Variants in DNAH6 observed in about 807,000 individuals in gnomAD.
DNAH6 encodes dynein axonemal heavy chain 6.
In DNAH6, 340 loss-of-function variants were observed where a neutral mutation model predicts 491.4. That is an observed-to-expected ratio of 0.69 (90% CI 0.63 to 0.76). DNAH6 has a LOEUF of 0.76. Ranked by LOEUF, DNAH6 falls within the 30% of genes least tolerant of loss-of-function variation. The pLI, the probability that DNAH6 is intolerant of heterozygous loss-of-function variation, is 0.00. For synonymous variants in DNAH6, 1,603 were observed against 1,686.1 expected (o/e 0.95, Z 1.21); for missense variants, 4,443 against 4,972.2 (o/e 0.89, Z 3.20).
chr2:84,543,504 A>C lies in DNAH6; in HGVS notation c.663-729A>C, dbSNP rs1315011351. 2.0e-5 allele frequency among the ~76,000 whole-genome samples: 3 copies of C among 152,318 alleles called. No homozygotes were observed. The South Asian group carries it at 6.2e-4, about 32-fold the overall frequency. On this transcript the variant is annotated intron_variant, in intron 4 of 76. Coordinates refer to ENST00000389394, the MANE Select transcript of DNAH6 (RefSeq NM_001370.2). Reference sequence around the variant, plus strand: ...CTATTACTGAATATTTCTTGCATTCAATATTTCAGCATTATAGCTAAAATT... The same window carrying C: ...CTATTACTGAATATTTCTTGCATTCCATATTTCAGCATTATAGCTAAAATT...
intron 70 of DNAH6, 156 bp downstream of exon 70, chr2:84,797,814 G>A: frequency 1.4e-6 from 1 of 718,848 alleles, no homozygotes; most frequent in Admixed American, 2.8e-5. Context: ...TTCCAATTTA[G>A]CCTGTTACCT....
At chr2:84,501,156 A>T in the DNAH6 span, among the ~76,000 whole-genome samples, 1 of 152,156 alleles carries the variant, frequency 6.6e-6, no homozygotes, top group Non-Finnish European at 1.5e-5. Flanking sequence ...GACACTAGCT[A>T]TGGGTCTGTC....
At chr2:84,531,782 T>C (rs1677198870) in intron 4 of DNAH6, among the ~76,000 whole-genome samples, 1 of 152,042 alleles carries the variant, frequency 6.6e-6, no homozygotes, top group African/African-American at 2.4e-5. Flanking sequence ...AGAGAATTCA[T>C]TTTTTTAAGA....
intron 4 of DNAH6, among the ~76,000 whole-genome samples, chr2:84,531,896 G>C (rs73945108): frequency 6.6e-6 from 1 of 151,866 alleles, no homozygotes; most frequent in African/African-American, 2.4e-5. Context: ...ATAGTTCTTT[G>C]TAAGTTTTTG....
intron 64 of DNAH6, chr2:84,778,266 G>T (rs776389997): frequency 4.6e-5 from 27 of 580,696 alleles, no homozygotes; most frequent in Non-Finnish European, 8.4e-5. Context: ...CATGTCCGGC[G>T]GGCATCGGTG....
chr2:84,723,954 C>G (rs926281801), intron 60 of DNAH6, among the ~76,000 whole-genome samples: 1 of 152,198 alleles, frequency 6.6e-6, no homozygotes, highest in African/African-American at 2.4e-5. Context: ...CACTATACAG[C>G]AAGACTACCA....
At chr2:84,704,470 A>G (rs116137355) in intron 51 of DNAH6, among the ~76,000 whole-genome samples, 168 bp downstream of exon 51, 43 of 152,354 alleles carry the variant, frequency 2.8e-4, no homozygotes, top group African/African-American at 1.0e-3. Context: ...TCTATTTTGT[A>G]CTAGATGGTG....
intron 67 of DNAH6, among the ~76,000 whole-genome samples, chr2:84,786,101 A>AGAATGAATGAATGAAT (rs3062234): frequency 2.3e-4 from 34 of 150,366 alleles, no homozygotes; most frequent in Admixed American, 4.0e-4. Context: ...AGAGAAAGAA[A>AGAATGAATGAATGAAT]GAATGAATGA....
chr2:84,721,400 C>T (rs895430863), intron 59 of DNAH6, among the ~76,000 whole-genome samples: 2 of 152,152 alleles, frequency 1.3e-5, no homozygotes, highest in Non-Finnish European at 2.9e-5. Context: ...TTCCTGGAAA[C>T]AGCTTCTGCA....
chr2:84,624,339 T>TA lies in DNAH6; in HGVS notation c.4147dup (p.Thr1383AsnfsTer3). 1 of 1,551,382 alleles carries TA rather than the reference T, an allele frequency of 6.4e-7. No individual in the cohort carries two copies. Among genetic ancestry groups the TA allele is most frequent in the Non-Finnish European group, 8.7e-7 (1 of 1,146,758 alleles). On this transcript the variant is annotated frameshift_variant, in exon 27 of 77. Transcript: ENST00000389394. LOFTEE classifies it high-confidence loss of function. ...ACAGAAACATCCTAACTGCATTGAT[T>TA]ACTATTGATGTGCATGCAAGAGATA... is the stretch of plus-strand genomic sequence containing the variant.
intron 33 of DNAH6, among the ~76,000 whole-genome samples, chr2:84,647,578 C>G (rs1344663065): frequency 2.0e-5 from 3 of 152,182 alleles, no homozygotes; most frequent in African/African-American, 7.2e-5. Context: ...TACACTAAAT[C>G]TACTCTACCT....
intron 18 of DNAH6, among the ~76,000 whole-genome samples, chr2:84,603,203 A>C (rs1685431901): frequency 6.6e-6 from 1 of 152,044 alleles, no homozygotes; most frequent in African/African-American, 2.4e-5. Context: ...GTAAATACCA[A>C]AGCAAATAAT....
intron 2 of DNAH6, among the ~76,000 whole-genome samples, chr2:84,518,457 G>A (rs926038184): frequency 6.6e-6 from 1 of 152,192 alleles, no homozygotes; most frequent in African/African-American, 2.4e-5. Flanking sequence ...TTGTGTGCAT[G>A]TTGAAAATAC....
At chr2:84,728,942 T>C (rs1698895241) in intron 61 of DNAH6, among the ~76,000 whole-genome samples, 1 of 152,130 alleles carries the variant, frequency 6.6e-6, no homozygotes, top group East Asian at 1.9e-4. Context: ...CCTTGGCCCC[T>C]GCAGAAGTGA....
chr2:84,550,379 C>T lies in DNAH6; in HGVS notation c.1485+322C>T, dbSNP rs534534951. On this transcript the variant is annotated intron_variant, in intron 9 of 76. Transcript: ENST00000389394. ...TTGGGCTCCTATGAGAATCTAATGA[C>T]GCCACTGTTCTGAGGGGAGGCAGAA... is the stretch of plus-strand genomic sequence containing the variant. 1.2e-4 allele frequency among the ~76,000 whole-genome samples: 19 copies of T among 152,224 alleles called. No homozygotes were observed. The South Asian group carries it at 1.7e-3, about 13-fold the overall frequency.
chr2:84,491,145 G>C, the DNAH6 span, among the ~76,000 whole-genome samples: 1,326 of 152,256 alleles, frequency 8.7e-3, 13 homozygotes, highest in Middle Eastern at 0.017. Flanking sequence ...GAGTGGAGTA[G>C]GTAAGTCATC....
intron 21 of DNAH6, among the ~76,000 whole-genome samples, chr2:84,609,298 T>C (rs1686083642): frequency 6.6e-6 from 1 of 152,208 alleles, no homozygotes. Context: ...CTTAATTGTT[T>C]GGTGCAAGAG....
the DNAH6 span, among the ~76,000 whole-genome samples, chr2:84,484,622 C>A: frequency 6.6e-6 from 1 of 152,164 alleles, no homozygotes; most frequent in Non-Finnish European, 1.5e-5. Flanking sequence ...ATCACTCTGA[C>A]CATTCTCTTG....
At chr2:84,541,366 C>T (rs1380233974) in intron 4 of DNAH6, among the ~76,000 whole-genome samples, 4 of 152,144 alleles carry the variant, frequency 2.6e-5, no homozygotes, top group African/African-American at 9.7e-5. Flanking sequence ...TTCTACCTAC[C>T]GACTGGATTG....
Sources: allele counts gnomAD v4.1 joint callset (sites outside exome capture counted in the v4.1 genomes callset), GRCh38; gene constraint gnomAD v4.1.1; transcripts MANE v1.5; gene names NCBI Gene and HGNC (gene_info 2026-07-23, HGNC 2026-07-21).